The following GPI variants were observed in gnomAD, a reference collection of about 807,000 sequenced individuals.
GPI encodes glucose-6-phosphate isomerase, also known as D-hexose-6-phosphate anomerase.
GPI carries 56 observed loss-of-function variants against 75.8 expected under a neutral mutation model. The observed-to-expected ratio is 0.74, with a 90% CI of 0.60 to 0.92. The LOEUF (loss-of-function observed/expected upper bound fraction) is 0.92, where lower values mean the gene tolerates loss of function less well. GPI is among the 40% of genes least tolerant of loss of function. The pLI, the probability that GPI is intolerant of heterozygous loss-of-function variation, is 0.00. For missense variants in GPI, 638 were observed against 741.0 expected, an observed-to-expected ratio of 0.86 and a Z score of 1.61; for synonymous variants, 288 against 285.4, an observed-to-expected ratio of 1.01 and a Z score of -0.09.
At chr19:34,370,036 C>G (rs1359010678) in intron 4 of GPI, among the ~76,000 whole-genome samples, 2 of 152,270 alleles carry the variant, frequency 1.3e-5, no homozygotes, top group Admixed American at 1.3e-4. Flanking sequence ...CACATGCACA[C>G]AGGTTGGTTT....
In GPI at chr19:34,370,796, G is replaced by A. The variant is rs537027289; in HGVS notation, c.402+2094G>A. ...AAATAAATCAGCTAGGTGTGGTGGT[G>A]TATCCCAGCTACTTGGGAGGCTGGG... is the stretch of plus-strand genomic sequence containing the variant. On this transcript the variant is annotated intron_variant, in intron 4 of 17. Coordinates refer to ENST00000356487, the MANE Select transcript of GPI (RefSeq NM_000175.5). 9.7e-4 allele frequency among the ~76,000 whole-genome samples: 148 copies of A among 152,112 alleles called. 3 individuals carry two copies. The highest frequency in any genetic ancestry group is 8.5e-3 in the Admixed American group (130 of 15,288).
At chr19:34,392,195 T>C in intron 9 of GPI, 1 of 11,490 alleles carries the variant, frequency 8.7e-5, no homozygotes, top group East Asian at 2.1e-3. Flanking sequence ...CTGAGGAGGT[T>C]GGATCTGGCC....
chr19:34,364,174 C>A (rs1031622585), upstream of GPI, among the ~76,000 whole-genome samples: 10 of 151,524 alleles, frequency 6.6e-5, no homozygotes, highest in African/African-American at 2.4e-4. Flanking sequence ...TGCAGATATG[C>A]ACCACCACAT....
chr19:34,390,401 G>A (rs573539259), intron 9 of GPI, among the ~76,000 whole-genome samples: 368 of 152,264 alleles, frequency 2.4e-3, no homozygotes, highest in African/African-American at 8.4e-3. Context: ...CTGAGAAGGT[G>A]GGTCCTGGCA....
rs1332542726 is a variant in GPI, at chr19:34,368,679, G to T, written c.379G>T (p.Asp127Tyr). ...DVMPEVNKVL[D>Y]KMKSFCQRVR... ...GATGCCAGAGGTCAACAAGGTTCTG[G>T]ACAAGATGAAGTCTTTCTGCCAGGT... Residue 127 changes from aspartate to tyrosine, a missense_variant, in exon 4 of 18, where the codon GAC becomes TAC. Transcript: ENST00000356487. The T allele has an allele frequency of 6.2e-7, 1 of 1,614,090 alleles. No homozygotes were observed. Among genetic ancestry groups the T allele is most frequent in the Non-Finnish European group, 8.5e-7 (1 of 1,180,052 alleles).
At position 34,366,415 on chromosome 19, in the gene GPI, A is replaced by G. The variant is rs199803942; in HGVS notation, c.193A>G (p.Met65Val). ...YSKNLVTEDV[M>V]RMLVDLAKSR... The stretch of plus-strand genomic sequence containing the variant: ...CAAGAACCTGGTGACGGAGGACGTG[A>G]TGCGGATGCTGGTGGACTTGGTAAT... The change falls in exon 2 of 18, where the codon ATG becomes GTG. Residue 65 changes from methionine (M) to valine (V), a missense_variant. Coordinates refer to ENST00000356487, the MANE Select transcript of GPI (RefSeq NM_000175.5). The G allele has an allele frequency of 3.0e-5, 48 of 1,612,400 alleles. No homozygotes were observed. The highest frequency in any genetic ancestry group is 2.8e-4 in the Admixed American group (17 of 59,998).
upstream of GPI, among the ~76,000 whole-genome samples, chr19:34,362,575 G>A (rs1419710685): frequency 6.6e-6 from 1 of 152,170 alleles, no homozygotes; most frequent in East Asian, 1.9e-4. Context: ...GTGAACACCC[G>A]TAACATCTTT....
chr19:34,366,416 T>A lies in GPI; in HGVS notation c.194T>A (p.Met65Lys), dbSNP rs764508521. 1 of 1,612,310 alleles carries A rather than the reference T, an allele frequency of 6.2e-7. No homozygotes were observed. The highest frequency in any genetic ancestry group is 1.3e-5 in the African/African-American group (1 of 75,020). ...YSKNLVTEDV[M>K]RMLVDLAKSR... ...AAGAACCTGGTGACGGAGGACGTGA[T>A]GCGGATGCTGGTGGACTTGGTAATG... Residue 65 changes from methionine to lysine, a missense_variant, in exon 2 of 18, where the codon ATG becomes AAG. Coordinates refer to ENST00000356487, the MANE Select transcript of GPI (RefSeq NM_000175.5).
chr19:34,368,481 G>T, intron 3 of GPI, 102 bp from the exon 4 acceptor site: 1 of 1,298,746 alleles, frequency 7.7e-7, no homozygotes, highest in Non-Finnish European at 1.1e-6. Flanking sequence ...GGGCCTGCCT[G>T]TCTAGTGGAT....
In GPI at chr19:34,377,917, G is replaced by T. The variant is rs572608764; in HGVS notation, c.633+36G>T. ...CGAAAACTGCCCGGCCCCTGGCCCT[G>T]TGTGTGTTGGGGTGGGGAGGGACAG... is the stretch of plus-strand genomic sequence containing the variant. On this transcript the variant is annotated intron_variant, in intron 6 of 17. Coordinates refer to ENST00000356487, the MANE Select transcript of GPI (RefSeq NM_000175.5). 16 of 1,611,540 alleles carry T rather than the reference G, an allele frequency of 9.9e-6. No homozygotes were observed. The East Asian group carries it at 3.6e-4, about 36-fold the overall frequency.
Position 34,377,606 on chromosome 19 carries a change from G to A in GPI, c.486+20G>A. ...GACCTGGTGAGGAGAAAACTGCCTT[G>A]GGGTAGGGTGGGAGTCTGGGCACTG... On this transcript the variant is annotated intron_variant, in intron 5 of 17. Transcript: ENST00000356487. 6.2e-7 allele frequency: 1 copy of A among 1,600,532 alleles called. No individual in the cohort carries two copies. The highest frequency in any genetic ancestry group is 1.3e-5 in the African/African-American group (1 of 74,536).
chr19:34,398,957 G>A (rs550581415), intron 14 of GPI: 32 of 352,438 alleles, frequency 9.1e-5, no homozygotes, highest in South Asian at 8.9e-4. Context: ...CATCCGCCTC[G>A]GCCTCCCAAA....
chr19:34,363,566 A>G (rs2074315088), upstream of GPI, among the ~76,000 whole-genome samples: 1 of 152,188 alleles, frequency 6.6e-6, no homozygotes, highest in Admixed American at 6.5e-5. Flanking sequence ...TCATGCCTGT[A>G]ATCCCAGCAC....
At chr19:34,375,373 C>T (rs1248281546) in intron 4 of GPI, among the ~76,000 whole-genome samples, 1 of 152,062 alleles carries the variant, frequency 6.6e-6, no homozygotes, top group Non-Finnish European at 1.5e-5. Flanking sequence ...TGGTCTCGAA[C>T]TCCTGACCTT....
At position 34,377,805 on chromosome 19, in the gene GPI, A is replaced by G. The variant is rs765932960; in HGVS notation, c.557A>G (p.Asn186Ser). The change falls in exon 6 of 18, where the codon AAC becomes AGC. Residue 186 changes from asparagine to serine, a missense_variant. Coordinates refer to ENST00000356487, the MANE Select transcript of GPI (RefSeq NM_000175.5). Reference protein sequence around the residue: ...SGGPRVWYVSNIDGTHIAKTL... With the variant: ...SGGPRVWYVSSIDGTHIAKTL... ...GGTCCCCGCGTCTGGTATGTCTCCA[A>G]CATTGATGGAACTCACATTGCCAAA... 4.3e-6 allele frequency: 7 copies of G among 1,613,970 alleles called. No homozygotes were observed. In the South Asian group the frequency reaches 6.6e-5, roughly 15 times the overall value.
rs75493554 is a variant in GPI at position 34,379,311 on chromosome 19, C to T, written c.706-207C>T. The stretch of plus-strand genomic sequence containing the variant: ...ATAGGGGAGGGACGTCCCTGAGCCC[C>T]GTATGCTTGTAAGATGGGATGAGCA... On this transcript the variant is annotated intron_variant, in intron 7 of 17. Transcript: ENST00000356487. Among the ~76,000 whole-genome samples the T allele has an allele frequency of 6.4e-3, 971 of 152,294 alleles. 5 individuals carry two copies. The highest frequency in any genetic ancestry group is 0.022 in the African/African-American group (918 of 41,554).
Position 34,377,892 on chromosome 19 carries a change from C to T in GPI, c.633+11C>T, listed in dbSNP as rs555646095. ...ATCATTGCCTCCAAGGTATGAGTGC[C>T]GAAAACTGCCCGGCCCCTGGCCCTG... On this transcript the variant is annotated intron_variant, in intron 6 of 17. Coordinates refer to ENST00000356487, the MANE Select transcript of GPI (RefSeq NM_000175.5). 3.7e-6 allele frequency: 6 copies of T among 1,614,000 alleles called. No individual in the cohort carries two copies. The highest frequency in any genetic ancestry group is 2.2e-5 in the East Asian group (1 of 44,880).
At chr19:34,392,931 G>A (rs901089066) in intron 9 of GPI, 5 of 421,996 alleles carry the variant, frequency 1.2e-5, no homozygotes, top group South Asian at 6.2e-5. Context: ...GGGTGTGTCC[G>A]TGTCTGAGGA....
upstream of GPI, among the ~76,000 whole-genome samples, chr19:34,361,281 C>T (rs1347162813): frequency 2.0e-5 from 3 of 151,760 alleles, no homozygotes; most frequent in Non-Finnish European, 2.9e-5. Context: ...TTAGTAGAGA[C>T]GGGGGTTTCA....
Sources: gnomAD v4.1 joint callset for allele counts (sites outside exome capture counted in the v4.1 genomes callset) on GRCh38, gnomAD v4.1.1 for gene constraint, MANE v1.5 for transcripts, NCBI Gene and HGNC (gene_info 2026-07-23, HGNC 2026-07-21) for gene names.